C20orf144: variants seen among roughly 807,000 people sequenced by gnomAD.
C20orf144 encodes the protein chromosome 20 open reading frame 144.
C20orf144 carries 8 observed loss-of-function variants against 3.8 expected under a neutral mutation model. That is an observed-to-expected ratio of 2.11 (90% CI 1.24 to 3.80). The LOEUF (loss-of-function observed/expected upper bound fraction) is 3.80. Ranked by LOEUF, C20orf144 falls within the 30% of genes most tolerant of loss-of-function variation. C20orf144 has a pLI of 0.00. For missense variants in C20orf144, 289 were observed against 224.5 expected, an observed-to-expected ratio of 1.29 and a Z score of -1.83; for synonymous variants, 126 against 104.1, an observed-to-expected ratio of 1.21 and a Z score of -1.28.
Position 33,663,654 on chromosome 20 carries a change from G to A in C20orf144, c.249G>A (p.Ala83=), listed in dbSNP as rs776103523. Residue 83 remains alanine, a synonymous_variant, in exon 2 of 2, where the codon GCG becomes GCA. Coordinates refer to ENST00000375222, the MANE Select transcript of C20orf144 (RefSeq NM_080825.4). ...CGGCGGCACCCAGATTGCGCGGAGC[G>A]GGCGAAGGTAGCGAGCGCGAGCCGA... The part of the protein sequence containing the change: ...GSPAAPRLRG[A]GEGSEREPRM... The A allele has an allele frequency of 6.9e-6, 11 of 1,597,612 alleles. No homozygotes were observed. Among genetic ancestry groups the A allele is most frequent in the African/African-American group, 1.3e-5 (1 of 74,354 alleles).
rs1448352522 is a variant in C20orf144, at chr20:33,663,684, G to A, written c.279G>A (p.Met93Ile). Reference sequence around the variant, plus strand: ...AAGGTAGCGAGCGCGAGCCGAGGATGCCGGTACTGCTGCTGCTGCGGCGGC... The same window carrying A: ...AAGGTAGCGAGCGCGAGCCGAGGATACCGGTACTGCTGCTGCTGCGGCGGC... ...AGEGSEREPR[M>I]PVLLLLRRQE... The change falls in exon 2 of 2, where the codon ATG (methionine) becomes ATA (isoleucine). Residue 93 changes from methionine (M) to isoleucine (I), a missense_variant. Physicochemically the swap from Met to Ile is conservative, Grantham distance 10. Coordinates refer to ENST00000375222, the MANE Select transcript of C20orf144 (RefSeq NM_080825.4). 2 of 1,585,162 alleles carry A rather than the reference G, an allele frequency of 1.3e-6. No homozygotes were observed. The highest frequency in any genetic ancestry group is 2.3e-5 in the East Asian group (1 of 43,486).
rs758306790 is a variant in C20orf144, at chr20:33,663,699, G to C, written c.294G>C (p.Leu98=). The change falls in exon 2 of 2, where the codon CTG becomes CTC. Residue 98 remains leucine, a synonymous_variant. Coordinates refer to ENST00000375222, the MANE Select transcript of C20orf144 (RefSeq NM_080825.4). The stretch of plus-strand genomic sequence containing the variant: ...AGCCGAGGATGCCGGTACTGCTGCT[G>C]CTGCGGCGGCAAGAGGCGCGGCGGC... ...EREPRMPVLL[L]LRRQEARRPE... is the part of the protein sequence containing the mutation. The C allele has an allele frequency of 7.7e-6, 12 of 1,567,438 alleles. No individual in the cohort carries two copies. The highest frequency in any genetic ancestry group is 1.0e-5 in the Non-Finnish European group (12 of 1,164,048).
chr20:33,662,724 C>A lies in C20orf144; in HGVS notation c.126+253C>A. 6.6e-6 allele frequency: 3 copies of A among 454,302 alleles called. No homozygotes were observed. The South Asian group carries it at 8.0e-5, about 12-fold the overall frequency. The allele number at this position is 454,302 out of a possible 1,614,324, so 28.1% of individuals were successfully genotyped here. Reference sequence around the variant, plus strand: ...GTAGGCCAAGGTGGGTGGATAACTTCAGCCCAGGAGTTTGAGATTGGCCTG... The same window carrying A: ...GTAGGCCAAGGTGGGTGGATAACTTAAGCCCAGGAGTTTGAGATTGGCCTG... On this transcript the variant is annotated intron_variant, in intron 1 of 1. Transcript: ENST00000375222.
At chr20:33,663,461 G>A in intron 1 of C20orf144, 71 bp from the exon 2 acceptor site, 1 of 1,499,288 alleles carries the variant, frequency 6.7e-7, no homozygotes, top group Non-Finnish European at 9.0e-7. Flanking sequence ...CAGGAGAAGC[G>A]CGGAGCGGCC....
At chr20:33,663,171 C>T (rs2017535025) in intron 1 of C20orf144, among the ~76,000 whole-genome samples, 1 of 152,206 alleles carries the variant, frequency 6.6e-6, no homozygotes, top group Admixed American at 6.5e-5. Flanking sequence ...CCCTGTCTCC[C>T]TCTCAAATGA....
rs745903315 is a variant in C20orf144 at position 33,663,481 on chromosome 20, G to C, written c.127-51G>C. The stretch of plus-strand genomic sequence containing the variant: ...GAAGCGCGGAGCGGCCCCGGGTCGT[G>C]GGCTCGGCCCTAGCGCGCTCTCCCG... On this transcript the variant is annotated intron_variant, in intron 1 of 1. Coordinates refer to ENST00000375222, the MANE Select transcript of C20orf144 (RefSeq NM_080825.4). 1.1e-5 allele frequency: 17 copies of C among 1,556,530 alleles called. No homozygotes were observed. In the African/African-American group the frequency reaches 2.2e-4, roughly 20 times the overall value.
rs1491004226 is a variant in C20orf144 at position 33,663,605 on chromosome 20, C to T, written c.200C>T (p.Ala67Val). 3 of 1,610,826 alleles carry T rather than the reference C, an allele frequency of 1.9e-6. No homozygotes were observed. In the African/African-American group the frequency reaches 4.0e-5, roughly 22 times the overall value. Residue 67 changes from alanine to valine, a missense_variant, in exon 2 of 2, where the codon GCG becomes GTG. Ala to Val is a moderately conservative substitution (Grantham distance 64, BLOSUM62 0). Transcript: ENST00000375222. ...LANAGQRIDY[A>V]SGAGLGSPAA... Reference sequence around the variant, plus strand: ...AACGCTGGGCAACGGATTGACTACGCGTCCGGCGCTGGGCTGGGCTCCCCG... The same window carrying T: ...AACGCTGGGCAACGGATTGACTACGTGTCCGGCGCTGGGCTGGGCTCCCCG...
rs1297555864 is a variant in C20orf144 at position 33,663,682 on chromosome 20, A to AT, written c.278dup (p.Met93IlefsTer?). The AT allele has an allele frequency of 1.3e-6, 2 of 1,587,290 alleles. No individual in the cohort carries two copies. The highest frequency in any genetic ancestry group is 3.5e-5 in the Admixed American group (2 of 57,478). On this transcript the variant is annotated frameshift_variant, in exon 2 of 2. Coordinates refer to ENST00000375222, the MANE Select transcript of C20orf144 (RefSeq NM_080825.4). LOFTEE classifies it low-confidence loss of function (END_TRUNC). ...CGAAGGTAGCGAGCGCGAGCCGAGG[A>AT]TGCCGGTACTGCTGCTGCTGCGGCG... is the stretch of plus-strand genomic sequence containing the variant.
At position 33,663,599 on chromosome 20, in the gene C20orf144, A is replaced by G. The variant is rs1340901413; in HGVS notation, c.194A>G (p.Asp65Gly). 1.2e-6 allele frequency: 2 copies of G among 1,611,228 alleles called. No homozygotes were observed. Among genetic ancestry groups the G allele is most frequent in the African/African-American group, 1.3e-5 (1 of 74,954 alleles). Residue 65 changes from aspartate (D) to glycine (G), a missense_variant, in exon 2 of 2, where the codon GAC (aspartate) becomes GGC (glycine). Coordinates refer to ENST00000375222, the MANE Select transcript of C20orf144 (RefSeq NM_080825.4). ...CTGGCCAACGCTGGGCAACGGATTG[A>G]CTACGCGTCCGGCGCTGGGCTGGGC... is the stretch of plus-strand genomic sequence containing the variant. ...QPLANAGQRI[D>G]YASGAGLGSP... is the part of the protein sequence containing the mutation.
rs141969034 is a variant in C20orf144, at chr20:33,662,379, G to T, written c.34G>T (p.Ala12Ser). Reference protein sequence around the residue: ...GNYSSHKRTKAPKQARKERPA... With the variant: ...GNYSSHKRTKSPKQARKERPA... ...CTATAGTTCCCACAAAAGGACCAAA[G>T]CACCCAAGCAGGCCCGCAAGGAGAG... is the stretch of plus-strand genomic sequence containing the variant. The change falls in exon 1 of 2, where the codon GCA (alanine) becomes TCA (serine). Residue 12 changes from alanine to serine, a missense_variant. Physicochemically the swap from Ala to Ser is moderately conservative, Grantham distance 99. Coordinates refer to ENST00000375222, the MANE Select transcript of C20orf144 (RefSeq NM_080825.4). 40 of 1,551,374 alleles carry T rather than the reference G, an allele frequency of 2.6e-5. No homozygotes were observed. The African/African-American group carries it at 5.5e-4, about 21-fold the overall frequency.
At chr20:33,663,459 G>C in intron 1 of C20orf144, 73 bp from the exon 2 acceptor site, 1 of 1,492,182 alleles carries the variant, frequency 6.7e-7, no homozygotes, top group East Asian at 2.5e-5. Flanking sequence ...CCCAGGAGAA[G>C]CGCGGAGCGG....
chr20:33,663,065 T>TCCC (rs1013603528), intron 1 of C20orf144, among the ~76,000 whole-genome samples: 8 of 152,070 alleles, frequency 5.3e-5, no homozygotes. Flanking sequence ...CGGGTGGAGA[T>TCCC]CCCAACACGG....
In C20orf144 at chr20:33,663,753, G is replaced by T. The variant is rs1478722843; in HGVS notation, c.348G>T (p.Leu116=). Residue 116 remains leucine (L), a synonymous_variant, in exon 2 of 2, where the codon CTG becomes CTT. Coordinates refer to ENST00000375222, the MANE Select transcript of C20orf144 (RefSeq NM_080825.4). ...RPEEGGARAA[L]SWPRLLSRFR... The stretch of plus-strand genomic sequence containing the variant: ...AAGAGGGCGGGGCCAGGGCAGCTCT[G>T]AGCTGGCCGCGGCTGCTCTCGCGCT... The T allele has an allele frequency of 6.7e-7, 1 of 1,481,916 alleles. No homozygotes were observed. The highest frequency in any genetic ancestry group is 8.9e-7 in the Non-Finnish European group (1 of 1,124,480). The allele number at this position is 1,481,916 out of a possible 1,614,324, so 91.8% of individuals were successfully genotyped here. A position where few individuals can be genotyped will look rare whatever the true frequency, so the allele number is the denominator to read the frequency against.
rs777539750 is a variant in C20orf144 at position 33,663,701 on chromosome 20, T to C, written c.296T>C (p.Leu99Pro). 3 of 1,566,314 alleles carry C rather than the reference T, an allele frequency of 1.9e-6. No individual in the cohort carries two copies. Among genetic ancestry groups the C allele is most frequent in the East Asian group, 2.4e-5 (1 of 42,400 alleles). The change falls in exon 2 of 2, where the codon CTG becomes CCG. Residue 99 changes from leucine to proline, a missense_variant. Transcript: ENST00000375222. ...CCGAGGATGCCGGTACTGCTGCTGC[T>C]GCGGCGGCAAGAGGCGCGGCGGCCG... ...REPRMPVLLL[L>P]RRQEARRPEE...
chr20:33,663,021 G>A (rs898696581), intron 1 of C20orf144, among the ~76,000 whole-genome samples: 5 of 152,222 alleles, frequency 3.3e-5, no homozygotes, highest in Admixed American at 3.3e-4. Context: ...CGGGGGGTGA[G>A]CATGAGTGGG....
rs756999476 is a variant in C20orf144, at chr20:33,663,801, C to A, written c.396C>A (p.Pro132=). 4 of 1,418,666 alleles carry A rather than the reference C, an allele frequency of 2.8e-6. No individual in the cohort carries two copies. The South Asian group carries it at 6.0e-5, about 21-fold the overall frequency. The allele number at this position is 1,418,666 out of a possible 1,614,324, so 87.9% of individuals were successfully genotyped here. Residue 132 remains proline (P), a synonymous_variant, in exon 2 of 2, where the codon CCC becomes CCA. Transcript: ENST00000375222. ...GCTTCCGGTCCCCGGGGAAGGCTCC[C>A]CGCGAAGCCGGCCCCGCCGAGGAGC... ...LSRFRSPGKA[P]REAGPAEEQP...
At position 33,663,607 on chromosome 20, in the gene C20orf144, T is replaced by C. The variant is rs2122484245; in HGVS notation, c.202T>C (p.Ser68Pro). The C allele has an allele frequency of 1.2e-6, 2 of 1,610,786 alleles. No homozygotes were observed. Among genetic ancestry groups the C allele is most frequent in the South Asian group, 1.1e-5 (1 of 91,032 alleles). ...ANAGQRIDYA[S>P]GAGLGSPAAP... The stretch of plus-strand genomic sequence containing the variant: ...CGCTGGGCAACGGATTGACTACGCG[T>C]CCGGCGCTGGGCTGGGCTCCCCGGC... Residue 68 changes from serine (S) to proline (P), a missense_variant, in exon 2 of 2, where the codon TCC (serine) becomes CCC (proline). By Grantham distance (74) the Ser-to-Pro change is moderately conservative. Coordinates refer to ENST00000375222, the MANE Select transcript of C20orf144 (RefSeq NM_080825.4).
Position 33,663,850 on chromosome 20 carries a change from C to T in C20orf144, c.445C>T (p.Pro149Ser). ...EEQPRKRCRCPRPQL is the reference protein window; with the variant it reads ...EEQPRKRCRCSRPQL ...GCAGCCGCGCAAACGGTGCCGCTGC[C>T]CTCGCCCGCAGCTTTAAACGCTTGG... Residue 149 changes from proline to serine, a missense_variant, in exon 2 of 2, where the codon CCT (proline) becomes TCT (serine). Transcript: ENST00000375222. 7.1e-7 allele frequency: 1 copy of T among 1,404,516 alleles called. No individual in the cohort carries two copies. The highest frequency in any genetic ancestry group is 3.0e-5 in the East Asian group (1 of 33,892). The allele number at this position is 1,404,516 out of a possible 1,614,324, so 87.0% of individuals were successfully genotyped here.
Position 33,662,487 on chromosome 20 carries a change from G to A in C20orf144, c.126+16G>A. 2 of 1,550,928 alleles carry A rather than the reference G, an allele frequency of 1.3e-6. No homozygotes were observed. The highest frequency in any genetic ancestry group is 1.7e-6 in the Non-Finnish European group (2 of 1,147,106). On this transcript the variant is annotated intron_variant, in intron 1 of 1. Coordinates refer to ENST00000375222, the MANE Select transcript of C20orf144 (RefSeq NM_080825.4). ...GAAGCCGGCTGTGAGGGCGGGGGAT[G>A]GGGAGCAGGGCTGGGGAGGCAGCTG... is the stretch of plus-strand genomic sequence containing the variant.
Sources: allele counts gnomAD v4.1 joint callset (sites outside exome capture counted in the v4.1 genomes callset), GRCh38; gene constraint gnomAD v4.1.1; transcripts MANE v1.5; gene names NCBI Gene and HGNC (gene_info 2026-07-23, HGNC 2026-07-21).